RAB3GAP1: variants seen among roughly 807,000 people sequenced by gnomAD.
RAB3GAP1 encodes RAB3 GTPase activating protein catalytic subunit 1.
In RAB3GAP1, 86 loss-of-function variants were observed where a neutral mutation model predicts 130.7. The ratio of observed to expected loss-of-function variants is 0.66; its 90% CI spans 0.55 to 0.79. RAB3GAP1 has a LOEUF of 0.79. RAB3GAP1 is among the 30% of genes least tolerant of loss of function. The probability of loss-of-function intolerance (pLI) is 0.00; values close to 1 mark genes in which losing one functional copy is unlikely to be tolerated. For synonymous variants in RAB3GAP1, 367 were observed against 401.7 expected (o/e 0.91, Z 1.03); for missense variants, 1,029 against 1,169.4 (o/e 0.88, Z 1.75).
chr2:135,067,016 C>T (rs903325259), intron 3 of RAB3GAP1, among the ~76,000 whole-genome samples: 1 of 152,136 alleles, frequency 6.6e-6, no homozygotes, highest in African/African-American at 2.4e-5. Context: ...AATGACACTT[C>T]AGTACTTAAA....
chr2:135,109,722 C>T (rs996417029), intron 5 of RAB3GAP1, among the ~76,000 whole-genome samples: 7 of 152,034 alleles, frequency 4.6e-5, no homozygotes, highest in Non-Finnish European at 7.4e-5. Flanking sequence ...GCTGGGACTA[C>T]AGGCGCCCAC....
intron 23 of RAB3GAP1, 79 bp downstream of exon 23, chr2:135,164,775 G>A (rs571931055): frequency 1.1e-5 from 12 of 1,133,900 alleles, no homozygotes; most frequent in East Asian, 2.6e-5. Context: ...GTTCCCACAC[G>A]TGGCTGATCA....
At chr2:135,085,850 T>C (rs540616141) in intron 3 of RAB3GAP1, among the ~76,000 whole-genome samples, 47 of 152,230 alleles carry the variant, frequency 3.1e-4, no homozygotes, top group South Asian at 6.2e-4. Context: ...TTTTAACAAA[T>C]GTATATACCC....
chr2:135,059,406 A>T (rs1333992136), intron 3 of RAB3GAP1, among the ~76,000 whole-genome samples: 2 of 152,160 alleles, frequency 1.3e-5, no homozygotes, highest in Non-Finnish European at 2.9e-5. Flanking sequence ...TATGTGCCTG[A>T]TGTGAAGAAA....
rs528073302 is a variant in RAB3GAP1 at position 135,090,921 on chromosome 2, A to C, written c.151-77A>C. ...TATTTATAGGGCAGAAAAAGGGGAA[A>C]ATATCCCTGTCGTTAGTAAATATAA... is the stretch of plus-strand genomic sequence containing the variant. On this transcript the variant is annotated intron_variant, in intron 3 of 23. Coordinates refer to ENST00000264158, the MANE Select transcript of RAB3GAP1 (RefSeq NM_012233.3). The C allele has an allele frequency of 1.1e-5, 15 of 1,387,100 alleles. No homozygotes were observed. In the Admixed American group the frequency reaches 2.5e-4, roughly 24 times the overall value. The allele number at this position is 1,387,100 out of a possible 1,614,324, so 85.9% of individuals were successfully genotyped here.
At chr2:135,109,160 T>A (rs1690719230) in intron 5 of RAB3GAP1, among the ~76,000 whole-genome samples, 1 of 152,106 alleles carries the variant, frequency 6.6e-6, no homozygotes, top group African/African-American at 2.4e-5. Context: ...CTTTGAGTCT[T>A]TTTTTGCTTC....
intron 2 of RAB3GAP1, among the ~76,000 whole-genome samples, chr2:135,055,962 A>C (rs987566968): frequency 6.6e-6 from 1 of 151,362 alleles, no homozygotes; most frequent in African/African-American, 2.4e-5. Context: ...TCAGCCTCCC[A>C]AGTAGCTGGG....
intron 5 of RAB3GAP1, among the ~76,000 whole-genome samples, chr2:135,098,645 C>G (rs1690366966): frequency 1.3e-5 from 2 of 152,128 alleles, no homozygotes; most frequent in Admixed American, 6.6e-5. Context: ...CTGTAATATT[C>G]TTTCCAAAAA....
At chr2:135,157,590 T>C (rs1188489506) in intron 19 of RAB3GAP1, among the ~76,000 whole-genome samples, 1 of 152,060 alleles carries the variant, frequency 6.6e-6, no homozygotes, top group Non-Finnish European at 1.5e-5. Flanking sequence ...ATCTTAGCAC[T>C]TTGAGAGGCC....
chr2:135,052,584 C>A, intron 2 of RAB3GAP1, 99 bp downstream of exon 2: 1 of 1,387,408 alleles, frequency 7.2e-7, no homozygotes, highest in Non-Finnish European at 1.0e-6. Flanking sequence ...GCCACTTGTG[C>A]GGGAACGGTA....
intron 3 of RAB3GAP1, among the ~76,000 whole-genome samples, chr2:135,082,331 A>C (rs1689848588): frequency 6.6e-6 from 1 of 152,106 alleles, no homozygotes; most frequent in African/African-American, 2.4e-5. Context: ...TACTTGTTAG[A>C]AGTCACTTAC....
At chr2:135,141,004 G>A (rs897903297) in intron 17 of RAB3GAP1, among the ~76,000 whole-genome samples, 5 of 151,890 alleles carry the variant, frequency 3.3e-5, no homozygotes, top group Non-Finnish European at 7.4e-5. Context: ...AAGGGTAGGA[G>A]GTAGGATCTT....
intron 2 of RAB3GAP1, 101 bp downstream of exon 2, chr2:135,052,586 G>A (rs1046377805): frequency 1.8e-5 from 25 of 1,395,362 alleles, no homozygotes; most frequent in Non-Finnish European, 1.1e-5. Context: ...CACTTGTGCG[G>A]GAACGGTAAT....
intron 8 of RAB3GAP1, among the ~76,000 whole-genome samples, chr2:135,122,331 T>C (rs1192283940): frequency 1.3e-5 from 2 of 152,328 alleles, no homozygotes; most frequent in South Asian, 2.1e-4. Flanking sequence ...CTGGACAATT[T>C]ACAGTCTATG....
Position 135,098,563 on chromosome 2 carries a change from G to A in RAB3GAP1, c.362+4870G>A, listed in dbSNP as rs1026695318. Among the ~76,000 whole-genome samples the A allele has an allele frequency of 5.9e-5, 9 of 152,218 alleles. No individual in the cohort carries two copies. In the South Asian group the frequency reaches 1.2e-3, roughly 21 times the overall value. ...AATTATTCAAAATCTGAGGGTGAAA[G>A]CAGCTGTTTATGGATGCTGGGGATG... On this transcript the variant is annotated intron_variant, in intron 5 of 23. Coordinates refer to ENST00000264158, the MANE Select transcript of RAB3GAP1 (RefSeq NM_012233.3).
At chr2:135,133,749 T>G (rs1691608988) in intron 14 of RAB3GAP1, 112 bp from the exon 15 acceptor site, 1 of 874,292 alleles carries the variant, frequency 1.1e-6, no homozygotes, top group South Asian at 1.4e-5. Flanking sequence ...ATGCCTAGTT[T>G]AGGTGGGATA....
At chr2:135,162,072 TATA>T (rs1161602425) in intron 19 of RAB3GAP1, among the ~76,000 whole-genome samples, 21 of 152,154 alleles carry the variant, frequency 1.4e-4, no homozygotes, top group African/African-American at 4.6e-4. Context: ...TCTGTATTCT[TATA>T]ATAAGAATTG....
chr2:135,070,664 C>T (rs868419259), intron 3 of RAB3GAP1, among the ~76,000 whole-genome samples: 16 of 152,066 alleles, frequency 1.1e-4, no homozygotes, highest in African/African-American at 2.9e-4. Context: ...CCCACCATCA[C>T]GCCCGTCCAA....
chr2:135,119,255 C>T (rs1308819910), intron 7 of RAB3GAP1, among the ~76,000 whole-genome samples: 7 of 151,956 alleles, frequency 4.6e-5, no homozygotes, highest in African/African-American at 1.2e-4. Context: ...ACTACAGGCG[C>T]GCACCACTAC....
Sources: gnomAD v4.1 joint callset for allele counts (sites outside exome capture counted in the v4.1 genomes callset) on GRCh38, gnomAD v4.1.1 for gene constraint, MANE v1.5 for transcripts, NCBI Gene and HGNC (gene_info 2026-07-23, HGNC 2026-07-21) for gene names.